The following CYP7B1 variants were observed in gnomAD, a reference collection of about 807,000 sequenced individuals.
The protein encoded by CYP7B1 is cytochrome P450 family 7 subfamily B member 1.
A neutral mutation model predicts 42.7 loss-of-function variants in CYP7B1; 29 were observed. That is an observed-to-expected ratio of 0.68 (90% CI 0.51 to 0.93). The LOEUF (loss-of-function observed/expected upper bound fraction) is 0.93. CYP7B1 is among the 40% of genes least tolerant of loss of function. CYP7B1 has a pLI of 0.00. For synonymous variants in CYP7B1, 235 were observed against 218.2 expected (o/e 1.08, Z -0.68); for missense variants, 655 against 600.5 (o/e 1.09, Z -0.95).
At chr8:64,758,221 G>A (rs1807835552) in intron 1 of CYP7B1, among the ~76,000 whole-genome samples, 3 of 152,142 alleles carry the variant, frequency 2.0e-5, no homozygotes, top group Admixed American at 1.3e-4. Flanking sequence ...AATGGCTGGA[G>A]TGCTGTCTCC....
chr8:64,683,904 C>G (rs1372862620), intron 1 of CYP7B1, among the ~76,000 whole-genome samples: 1 of 152,150 alleles, frequency 6.6e-6, no homozygotes, highest in African/African-American at 2.4e-5. Flanking sequence ...TCTAGATACC[C>G]TCGTGGCTCA....
At chr8:64,632,619 C>T (rs1043392838) in intron 1 of CYP7B1, among the ~76,000 whole-genome samples, 1 of 151,888 alleles carries the variant, frequency 6.6e-6, no homozygotes, top group Non-Finnish European at 1.5e-5. Flanking sequence ...AAGGGATCAA[C>T]CAATGTAAAA....
chr8:64,710,183 G>A (rs542523357), intron 1 of CYP7B1, among the ~76,000 whole-genome samples: 2 of 152,184 alleles, frequency 1.3e-5, no homozygotes, highest in Admixed American at 6.6e-5. Context: ...CCAAGTCTTC[G>A]TAAAGCACAG....
intron 1 of CYP7B1, among the ~76,000 whole-genome samples, chr8:64,668,292 A>G (rs1222063702): frequency 6.6e-6 from 1 of 152,156 alleles, no homozygotes; most frequent in Non-Finnish European, 1.5e-5. Context: ...GCGACCATCT[A>G]TCAAAAATAA....
At chr8:64,658,814 C>T (rs1806159557) in intron 1 of CYP7B1, among the ~76,000 whole-genome samples, 1 of 152,140 alleles carries the variant, frequency 6.6e-6, no homozygotes, top group African/African-American at 2.4e-5. Flanking sequence ...TGACTTCCAG[C>T]ATTATCAGTT....
chr8:64,631,021 C>T (rs976090430), intron 1 of CYP7B1, among the ~76,000 whole-genome samples: 13 of 152,156 alleles, frequency 8.5e-5, no homozygotes, highest in African/African-American at 2.7e-4. Flanking sequence ...TTCCATCAAA[C>T]ATTAACATTA....
rs1805049902 is a variant in CYP7B1, at chr8:64,592,364, AT to A, written c.*4277del. ...ACAGACCATTACTTTGGAATGACTGATGGAAGGCTAGTTAGAACTAGTGATA... is the reference window on the plus strand; with the variant it reads ...ACAGACCATTACTTTGGAATGACTGAGGAAGGCTAGTTAGAACTAGTGATA... On this transcript the variant is annotated 3_prime_UTR_variant, in exon 6 of 6. Coordinates refer to ENST00000310193, the MANE Select transcript of CYP7B1 (RefSeq NM_004820.5). 6.6e-6 allele frequency among the ~76,000 whole-genome samples: 1 copy of A among 152,224 alleles called. No homozygotes were observed. Among genetic ancestry groups the A allele is most frequent in the South Asian group, 2.1e-4 (1 of 4,838 alleles).
intron 1 of CYP7B1, among the ~76,000 whole-genome samples, chr8:64,787,107 G>C (rs1454299474): frequency 1.3e-5 from 2 of 152,228 alleles, no homozygotes; most frequent in African/African-American, 4.8e-5. Context: ...TAGGCCTCTG[G>C]GCCTGTGATG....
intron 1 of CYP7B1, among the ~76,000 whole-genome samples, chr8:64,767,003 T>G (rs2129634207): frequency 6.6e-6 from 1 of 152,292 alleles, no homozygotes; most frequent in South Asian, 2.1e-4. Flanking sequence ...TCCCAGCCAC[T>G]AAGTTGTGAC....
chr8:64,603,266 C>G (rs1359601287), intron 5 of CYP7B1, among the ~76,000 whole-genome samples: 1 of 152,248 alleles, frequency 6.6e-6, no homozygotes, highest in South Asian at 2.1e-4. Context: ...TGATTTTTAA[C>G]TTTGAGTTTT....
At chr8:64,676,205 T>C (rs1806443538) in intron 1 of CYP7B1, among the ~76,000 whole-genome samples, 1 of 152,182 alleles carries the variant, frequency 6.6e-6, no homozygotes, top group African/African-American at 2.4e-5. Context: ...TTCATATTTA[T>C]GGGGTACCTA....
intron 1 of CYP7B1, among the ~76,000 whole-genome samples, chr8:64,645,651 C>T (rs2129631084): frequency 6.6e-6 from 1 of 152,154 alleles, no homozygotes; most frequent in South Asian, 2.1e-4. Context: ...AAATGCCATC[C>T]CCATCAAGCT....
Position 64,616,162 on chromosome 8 carries a change from G to C in CYP7B1, c.379C>G (p.Gln127Glu), listed in dbSNP as rs747317553. ...KLLEKAFSIS[Q>E]LQKNHDMNDE... ...TTCATGTCATGATTTTTTTGCAACTGACTGATGCTAAATGCTTTCTCTAAT... is the reference window on the plus strand; with the variant it reads ...TTCATGTCATGATTTTTTTGCAACTCACTGATGCTAAATGCTTTCTCTAAT... The change falls in exon 3 of 6, where the codon CAG (glutamine) becomes GAG (glutamate). Residue 127 changes from glutamine to glutamate, a missense_variant. Physicochemically the swap from Gln to Glu is conservative, Grantham distance 29. Transcript: ENST00000310193. 1 of 1,613,082 alleles carries C rather than the reference G, an allele frequency of 6.2e-7. No homozygotes were observed. The highest frequency in any genetic ancestry group is 1.3e-5 in the African/African-American group (1 of 74,818).
intron 2 of CYP7B1, among the ~76,000 whole-genome samples, chr8:64,620,708 G>A (rs1327129300): frequency 6.6e-6 from 1 of 152,076 alleles, no homozygotes; most frequent in African/African-American, 2.4e-5. Flanking sequence ...CTGATCACTA[G>A]AACCATATAC....
At chr8:64,727,351 T>C (rs947577580) in intron 1 of CYP7B1, among the ~76,000 whole-genome samples, 1 of 152,238 alleles carries the variant, frequency 6.6e-6, no homozygotes, top group African/African-American at 2.4e-5. Flanking sequence ...TTCCCTAGCA[T>C]TTGTTGCTTT....
intron 4 of CYP7B1, among the ~76,000 whole-genome samples, chr8:64,606,613 T>C (rs1378940132): frequency 2.0e-5 from 3 of 152,342 alleles, no homozygotes; most frequent in East Asian, 3.9e-4. Flanking sequence ...CCCACCACAG[T>C]ATCACAAATG....
intron 1 of CYP7B1, among the ~76,000 whole-genome samples, chr8:64,648,817 T>A (rs932698518): frequency 6.6e-6 from 1 of 152,050 alleles, no homozygotes; most frequent in African/African-American, 2.4e-5. Context: ...TATGGAAGAG[T>A]CAGATAATTC....
chr8:64,702,301 T>G (rs1363994845), intron 1 of CYP7B1, among the ~76,000 whole-genome samples: 1 of 152,010 alleles, frequency 6.6e-6, no homozygotes, highest in Non-Finnish European at 1.5e-5. Flanking sequence ...TCAGTATCCA[T>G]CAGCAGCTGA....
At chr8:64,740,480 A>C (rs1329042922) in intron 1 of CYP7B1, among the ~76,000 whole-genome samples, 1 of 151,838 alleles carries the variant, frequency 6.6e-6, no homozygotes, top group Admixed American at 6.6e-5. Context: ...AAGCAGAAGA[A>C]ATGAAATAGT....
Sources: allele counts gnomAD v4.1 joint callset (sites outside exome capture counted in the v4.1 genomes callset), GRCh38; gene constraint gnomAD v4.1.1; transcripts MANE v1.5; gene names NCBI Gene and HGNC (gene_info 2026-07-23, HGNC 2026-07-21).